Variants in ELMO1 observed in about 807,000 individuals in gnomAD.
The protein encoded by ELMO1 is engulfment and cell motility protein 1.
Under a neutral mutation model 98.9 loss-of-function variants are expected in ELMO1, and 26 were observed. That is an observed-to-expected ratio of 0.26 (90% CI 0.19 to 0.36). ELMO1 has a LOEUF of 0.36. Among genes scored for constraint, ELMO1 ranks in the 10% least tolerant of loss-of-function variants. The pLI is 1.00. For synonymous variants in ELMO1, 346 were observed against 346.0 expected, an observed-to-expected ratio of 1.00 and a Z score of 0.00; for missense variants, 627 against 935.2, an observed-to-expected ratio of 0.67 and a Z score of 4.30.
intron 4 of ELMO1, among the ~76,000 whole-genome samples, chr7:37,314,494 T>C (rs1799050160): frequency 7.1e-6 from 1 of 139,934 alleles, no homozygotes; most frequent in Admixed American, 7.6e-5. Flanking sequence ...TCACGTACTT[T>C]AAGCAAGGGT....
intron 19 of ELMO1, among the ~76,000 whole-genome samples, chr7:36,871,049 GTT>G (rs1270305057): frequency 1.3e-5 from 2 of 152,108 alleles, no homozygotes; most frequent in Non-Finnish European, 2.9e-5. Context: ...TATAAAGCAG[GTT>G]TTATTATCCC....
intron 2 of ELMO1, among the ~76,000 whole-genome samples, chr7:37,319,244 C>G (rs751495036): frequency 2.0e-5 from 3 of 152,192 alleles, no homozygotes; most frequent in Non-Finnish European, 4.4e-5. Context: ...AACGGTAGCA[C>G]ACATCCCTCA....
At chr7:37,183,248 C>T (rs1260073646) in intron 13 of ELMO1, among the ~76,000 whole-genome samples, 1 of 152,206 alleles carries the variant, frequency 6.6e-6, no homozygotes, top group South Asian at 2.1e-4. Flanking sequence ...GTGAGCAACA[C>T]GTTCATTTTC....
At chr7:36,925,278 C>G (rs549301681) in intron 16 of ELMO1, among the ~76,000 whole-genome samples, 1 of 152,300 alleles carries the variant, frequency 6.6e-6, no homozygotes, top group Non-Finnish European at 1.5e-5. Flanking sequence ...CTTCAAGGAA[C>G]AAACAAAGCG....
chr7:37,100,327 C>T (rs1379724727), intron 14 of ELMO1, among the ~76,000 whole-genome samples: 1 of 152,214 alleles, frequency 6.6e-6, no homozygotes, highest in Non-Finnish European at 1.5e-5. Context: ...GCTGCAGTGT[C>T]CCCACAGACT....
chr7:37,404,592 T>C (rs1393403712), intron 1 of ELMO1, among the ~76,000 whole-genome samples: 1 of 152,180 alleles, frequency 6.6e-6, no homozygotes, highest in Non-Finnish European at 1.5e-5. Flanking sequence ...GGTTCTCCTA[T>C]AACCAAGACA....
At chr7:36,999,950 T>C (rs1309628726) in intron 16 of ELMO1, among the ~76,000 whole-genome samples, 1 of 152,186 alleles carries the variant, frequency 6.6e-6, no homozygotes, top group Non-Finnish European at 1.5e-5. Context: ...CAAAAAACAT[T>C]GATTATCTTT....
chr7:37,398,142 C>T (rs1049375725), intron 1 of ELMO1, among the ~76,000 whole-genome samples: 1 of 152,162 alleles, frequency 6.6e-6, no homozygotes, highest in Non-Finnish European at 1.5e-5. Context: ...CACACCTGCA[C>T]ATGTATCCCA....
chr7:37,274,113 A>G (rs1055422659), intron 4 of ELMO1, among the ~76,000 whole-genome samples: 1 of 152,190 alleles, frequency 6.6e-6, no homozygotes, highest in Admixed American at 6.5e-5. Flanking sequence ...TACTAGAAGC[A>G]TGCAAACATG....
chr7:36,879,583 A>T (rs1804256186), intron 18 of ELMO1, among the ~76,000 whole-genome samples: 1 of 152,274 alleles, frequency 6.6e-6, no homozygotes, highest in African/African-American at 2.4e-5. Context: ...AAAGCCACAC[A>T]ATGAACAAAG....
intron 16 of ELMO1, among the ~76,000 whole-genome samples, chr7:36,926,131 G>T (rs940374850): frequency 6.6e-6 from 1 of 152,114 alleles, no homozygotes; most frequent in Non-Finnish European, 1.5e-5. Context: ...TTTCCTGAAC[G>T]TGTTACATAA....
intron 15 of ELMO1, among the ~76,000 whole-genome samples, chr7:37,081,647 C>A (rs1401746681): frequency 6.6e-6 from 1 of 152,200 alleles, no homozygotes; most frequent in Non-Finnish European, 1.5e-5. Context: ...TCTTGGCCTG[C>A]TGCCAGGTAA....
intron 10 of ELMO1, among the ~76,000 whole-genome samples, chr7:37,220,806 T>G (rs1278775866): frequency 6.6e-6 from 1 of 152,178 alleles, no homozygotes; most frequent in African/African-American, 2.4e-5. Context: ...ATCCATCCTC[T>G]TCTTTCACAG....
At chr7:36,897,769 C>G (rs537715184) in intron 16 of ELMO1, among the ~76,000 whole-genome samples, 25 of 152,304 alleles carry the variant, frequency 1.6e-4, no homozygotes, top group African/African-American at 6.0e-4. Flanking sequence ...TAGCTTAAGA[C>G]TTTGAACCTT....
chr7:37,324,517 T>A (rs2131160445), intron 2 of ELMO1, among the ~76,000 whole-genome samples: 1 of 152,326 alleles, frequency 6.6e-6, no homozygotes, highest in African/African-American at 2.4e-5. Flanking sequence ...GGTTTTAGAA[T>A]GATGAATTTT....
At chr7:37,123,817 T>G (rs977338020) in intron 14 of ELMO1, among the ~76,000 whole-genome samples, 2 of 152,164 alleles carry the variant, frequency 1.3e-5, no homozygotes, top group South Asian at 2.1e-4. Flanking sequence ...TACCAAAGCC[T>G]GGCAGAGACA....
Position 36,949,240 on chromosome 7 carries a change from G to A in ELMO1, c.1438-54223C>T, listed in dbSNP as rs140829068. Among the ~76,000 whole-genome samples the A allele has an allele frequency of 3.4e-3, 518 of 152,308 alleles. 2 individuals carry two copies. Among genetic ancestry groups the A allele is most frequent in the African/African-American group, 0.012 (500 of 41,566 alleles). On this transcript the variant is annotated intron_variant, in intron 16 of 21. Transcript: ENST00000310758. ...CTTCCATCTGCCTTGCATGATGAGA[G>A]ACCCTATCACTGAACTGGAAACGGC... is the stretch of plus-strand genomic sequence containing the variant.
chr7:37,174,165 A>C (rs1790365687), intron 13 of ELMO1, among the ~76,000 whole-genome samples: 1 of 152,150 alleles, frequency 6.6e-6, no homozygotes, highest in East Asian at 1.9e-4. Context: ...ATCTCAAGCA[A>C]ATGAGAGCAT....
chr7:37,039,394 T>C (rs1795373702), intron 15 of ELMO1, among the ~76,000 whole-genome samples: 1 of 152,240 alleles, frequency 6.6e-6, no homozygotes, highest in South Asian at 2.1e-4. Context: ...CAGGTTCTCT[T>C]CTAGCAGGCT....
Sources: gnomAD v4.1 joint callset for allele counts (sites outside exome capture counted in the v4.1 genomes callset) on GRCh38, gnomAD v4.1.1 for gene constraint, MANE v1.5 for transcripts, NCBI Gene and HGNC (gene_info 2026-07-23, HGNC 2026-07-21) for gene names.